The following GPATCH2 variants were observed in gnomAD, a reference collection of about 807,000 sequenced individuals.
GPATCH2 encodes G patch domain-containing protein 2.
In GPATCH2, 51 loss-of-function variants were observed where a neutral mutation model predicts 58.0. The observed-to-expected ratio is 0.88, with a 90% CI of 0.70 to 1.11. The LOEUF (loss-of-function observed/expected upper bound fraction) is 1.11, where lower values mean the gene tolerates loss of function less well. Ranked by LOEUF, GPATCH2 falls within the 50% of genes most tolerant of loss-of-function variation. The probability of loss-of-function intolerance (pLI) is 0.00; values close to 1 mark genes in which losing one functional copy is unlikely to be tolerated. For missense variants in GPATCH2, 625 were observed against 652.2 expected, an observed-to-expected ratio of 0.96 and a Z score of 0.45; for synonymous variants, 222 against 218.5, an observed-to-expected ratio of 1.02 and a Z score of -0.14.
intron 8 of GPATCH2, among the ~76,000 whole-genome samples, chr1:217,480,147 G>A (rs984645580): frequency 3.3e-5 from 5 of 151,974 alleles, no homozygotes; most frequent in East Asian, 1.9e-4. Context: ...ATGGGATCAC[G>A]TCAAATTAAG....
At chr1:217,443,527 T>C (rs1396254142) in intron 9 of GPATCH2, among the ~76,000 whole-genome samples, 2 of 152,164 alleles carry the variant, frequency 1.3e-5, no homozygotes, top group Non-Finnish European at 2.9e-5. Flanking sequence ...TATTTCTTGA[T>C]ATAGACTCGT....
At chr1:217,592,297 T>C (rs1667629447) in intron 5 of GPATCH2, among the ~76,000 whole-genome samples, 1 of 152,010 alleles carries the variant, frequency 6.6e-6, no homozygotes, top group Non-Finnish European at 1.5e-5. Context: ...GAATTTTAAT[T>C]GGTATAACTC....
chr1:217,591,619 C>T lies in GPATCH2; in HGVS notation c.1098+18702G>A, dbSNP rs561547300. ...TGTCCTTCAAAAAACTGAGTTCTAA[C>T]CATGCAAAGGTGACAACTGTGACAT... is the stretch of plus-strand genomic sequence containing the variant. On this transcript the variant is annotated intron_variant, in intron 5 of 9. Transcript: ENST00000366935. 1.2e-4 allele frequency among the ~76,000 whole-genome samples: 18 copies of T among 152,196 alleles called. No homozygotes were observed. The South Asian group carries it at 3.5e-3, about 30-fold the overall frequency.
At chr1:217,566,550 T>C (rs1352438776) in intron 5 of GPATCH2, among the ~76,000 whole-genome samples, 2 of 152,224 alleles carry the variant, frequency 1.3e-5, no homozygotes, top group Non-Finnish European at 2.9e-5. Context: ...AAGATATGAA[T>C]GAATATCACA....
At chr1:217,584,344 A>AAAAAAAAAAAATATATATATATAT (rs1463910405) in intron 5 of GPATCH2, among the ~76,000 whole-genome samples, 4 of 101,860 alleles carry the variant, frequency 3.9e-5, no homozygotes, top group East Asian at 6.1e-4. Flanking sequence ...AAAAAAAAAA[A>AAAAAAAAAAAATATATATATATAT]ATATATATAT....
intron 8 of GPATCH2, among the ~76,000 whole-genome samples, chr1:217,454,696 T>C (rs1473837989): frequency 1.3e-5 from 2 of 151,698 alleles, no homozygotes; most frequent in African/African-American, 4.8e-5. Context: ...CACTGTGACT[T>C]CTGCCTCTTG....
intron 5 of GPATCH2, among the ~76,000 whole-genome samples, chr1:217,540,977 G>A (rs1452329105): frequency 1.3e-5 from 2 of 152,216 alleles, no homozygotes; most frequent in African/African-American, 4.8e-5. Flanking sequence ...AGAGCCAGAT[G>A]TATCCTGTGT....
At chr1:217,541,720 A>C (rs1441110669) in intron 5 of GPATCH2, among the ~76,000 whole-genome samples, 4 of 152,230 alleles carry the variant, frequency 2.6e-5, no homozygotes, top group Non-Finnish European at 5.9e-5. Context: ...AGTAAAATTC[A>C]ATTATTTTCT....
Position 217,572,452 on chromosome 1 carries a change from G to A in GPATCH2, c.1098+37869C>T, listed in dbSNP as rs147878348. 5.6e-4 allele frequency among the ~76,000 whole-genome samples: 86 copies of A among 152,300 alleles called. 1 individual carries two copies. Among genetic ancestry groups the A allele is most frequent in the Middle Eastern group, 3.4e-3 (1 of 294 alleles). ...TTGTCATCAAGAATAACTTCAATCT[G>A]TAAAAATGTATTATCTAGTTTTCAG... On this transcript the variant is annotated intron_variant, in intron 5 of 9. Coordinates refer to ENST00000366935, the MANE Select transcript of GPATCH2 (RefSeq NM_018040.5).
At chr1:217,588,475 G>A (rs1475353084) in intron 5 of GPATCH2, among the ~76,000 whole-genome samples, 2 of 151,802 alleles carry the variant, frequency 1.3e-5, no homozygotes, top group Admixed American at 1.3e-4. Context: ...AAAGGTCGAA[G>A]TTTCTTTTTT....
chr1:217,453,828 A>C (rs753597931), intron 8 of GPATCH2, among the ~76,000 whole-genome samples: 1 of 152,206 alleles, frequency 6.6e-6, no homozygotes, highest in East Asian at 1.9e-4. Context: ...TCTTCATTGC[A>C]TGCAATTACA....
intron 6 of GPATCH2, among the ~76,000 whole-genome samples, chr1:217,502,757 T>C (rs1215392446): frequency 3.3e-5 from 5 of 152,122 alleles, no homozygotes; most frequent in Non-Finnish European, 7.4e-5. Context: ...TGTCTCCTCA[T>C]GGTGGAAACT....
chr1:217,436,548 C>T (rs1658841443), intron 9 of GPATCH2, among the ~76,000 whole-genome samples: 1 of 152,134 alleles, frequency 6.6e-6, no homozygotes, highest in South Asian at 2.1e-4. Flanking sequence ...TAAAAAAATT[C>T]ATTGAGTAAT....
intron 5 of GPATCH2, chr1:217,609,778 C>T (rs1668538377): frequency 2.1e-6 from 2 of 963,584 alleles, no homozygotes; most frequent in African/African-American, 3.5e-5. Context: ...AATTCTTAAT[C>T]AGTCACAATA....
chr1:217,614,894 C>G (rs1437652162), intron 2 of GPATCH2, among the ~76,000 whole-genome samples: 1 of 151,276 alleles, frequency 6.6e-6, no homozygotes, highest in Admixed American at 6.6e-5. Flanking sequence ...ATTTGAATAA[C>G]ATAAACAAAC....
At chr1:217,610,044 G>C (rs1303656468) in intron 5 of GPATCH2, 100 of 1,448,742 alleles carry the variant, frequency 6.9e-5, no homozygotes, top group Middle Eastern at 5.9e-4. Flanking sequence ...TTTCATCAAA[G>C]AGGCTCTCAC....
At chr1:217,534,340 A>C (rs866229800) in intron 5 of GPATCH2, among the ~76,000 whole-genome samples, 5 of 152,220 alleles carry the variant, frequency 3.3e-5, no homozygotes, top group Non-Finnish European at 5.9e-5. Flanking sequence ...ACAGCCATGA[A>C]AACATACTAG....
intron 6 of GPATCH2, among the ~76,000 whole-genome samples, chr1:217,509,576 G>C (rs1488399244): frequency 6.6e-6 from 1 of 152,142 alleles, no homozygotes; most frequent in Admixed American, 6.6e-5. Context: ...CAAGTGACTA[G>C]ACTGGACAGC....
chr1:217,516,157 A>G (rs1456280019), intron 5 of GPATCH2, among the ~76,000 whole-genome samples: 1 of 152,070 alleles, frequency 6.6e-6, no homozygotes, highest in Non-Finnish European at 1.5e-5. Context: ...CTGTACAAGA[A>G]TGAATCTATC....
Sources: gnomAD v4.1 joint callset for allele counts (sites outside exome capture counted in the v4.1 genomes callset) on GRCh38, gnomAD v4.1.1 for gene constraint, MANE v1.5 for transcripts, NCBI Gene and HGNC (gene_info 2026-07-23, HGNC 2026-07-21) for gene names.